The following SAMD13 variants were observed in gnomAD, a reference collection of about 807,000 sequenced individuals.
The protein encoded by SAMD13 is sterile alpha motif domain containing 13, also known as sterile alpha motif domain-containing protein 13.
In SAMD13, 9 loss-of-function variants were observed where a neutral mutation model predicts 12.4. The ratio of observed to expected loss-of-function variants is 0.72; its 90% CI spans 0.44 to 1.26. SAMD13 has a LOEUF of 1.26. SAMD13 is among the 50% of genes most tolerant of loss of function. The pLI is 0.00. For missense variants in SAMD13, 84 were observed against 119.6 expected, an observed-to-expected ratio of 0.70 and a Z score of 1.39; for synonymous variants, 46 against 45.4, an observed-to-expected ratio of 1.01 and a Z score of -0.05.
At position 84,321,019 on chromosome 1, in the gene SAMD13, G is replaced by A. The variant is rs186070271; in HGVS notation, c.54-4618G>A. 1.8e-4 allele frequency among the ~76,000 whole-genome samples: 27 copies of A among 152,226 alleles called. No homozygotes were observed. The East Asian group carries it at 5.2e-3, about 29-fold the overall frequency. ...TTTTCTGCCTGCCTTCTTACAAAGG[G>A]AAATGGAGACTTTTGCTGCCAGAAC... is the stretch of plus-strand genomic sequence containing the variant. On this transcript the variant is annotated intron_variant, in intron 2 of 3. Transcript: ENST00000394834.
chr1:84,329,562 G>A (rs1039322710), intron 3 of SAMD13, among the ~76,000 whole-genome samples: 1 of 152,188 alleles, frequency 6.6e-6, no homozygotes, highest in South Asian at 2.1e-4. Flanking sequence ...TTTGTCCTGT[G>A]TTCCTGTGGT....
At chr1:84,316,159 T>C (rs1678828541) in intron 2 of SAMD13, among the ~76,000 whole-genome samples, 1 of 152,302 alleles carries the variant, frequency 6.6e-6, no homozygotes, top group East Asian at 1.9e-4. Context: ...TTTTCTCTCA[T>C]TCCATAGGTT....
In SAMD13 at chr1:84,326,448, T is replaced by G. The variant is rs182816066; in HGVS notation, c.165+700T>G. 5.9e-5 allele frequency among the ~76,000 whole-genome samples: 9 copies of G among 152,270 alleles called. No homozygotes were observed. The East Asian group carries it at 1.7e-3, about 29-fold the overall frequency. On this transcript the variant is annotated intron_variant, in intron 3 of 3. Transcript: ENST00000394834. ...CTTTTCCTCAGGTCCAGGGATGGTA[T>G]TAGAAAGAGGGAGAAAGTGGCAGGA... is the stretch of plus-strand genomic sequence containing the variant.
chr1:84,333,287 A>C (rs1679229395), intron 3 of SAMD13, among the ~76,000 whole-genome samples: 1 of 152,036 alleles, frequency 6.6e-6, no homozygotes, highest in South Asian at 2.1e-4. Flanking sequence ...TGAATCTGTA[A>C]ATTGTTTTGG....
chr1:84,312,825 G>C (rs901423331), intron 2 of SAMD13, among the ~76,000 whole-genome samples: 1 of 152,026 alleles, frequency 6.6e-6, no homozygotes, highest in Non-Finnish European at 1.5e-5. Flanking sequence ...CAAATGCTCA[G>C]TGGACACATG....
intron 1 of SAMD13, among the ~76,000 whole-genome samples, chr1:84,302,305 T>G (rs1182104479): frequency 6.6e-6 from 1 of 150,842 alleles, no homozygotes; most frequent in Non-Finnish European, 1.5e-5. Context: ...TTCAGCTGAA[T>G]AAGAGCAAAC....
At chr1:84,322,883 A>C (rs984456972) in intron 2 of SAMD13, among the ~76,000 whole-genome samples, 3 of 152,202 alleles carry the variant, frequency 2.0e-5, no homozygotes, top group Non-Finnish European at 4.4e-5. Context: ...GTTATATCCC[A>C]CTAGAATAAA....
intron 3 of SAMD13, among the ~76,000 whole-genome samples, chr1:84,337,624 C>T (rs548240725): frequency 1.4e-4 from 21 of 152,300 alleles, no homozygotes; most frequent in African/African-American, 5.1e-4. Context: ...CAGGAGCTGC[C>T]ATGAAGACCT....
At chr1:84,327,359 C>T (rs745406931) in intron 3 of SAMD13, among the ~76,000 whole-genome samples, 13 of 152,004 alleles carry the variant, frequency 8.6e-5, no homozygotes, top group African/African-American at 3.1e-4. Flanking sequence ...TGAATGGTTC[C>T]ATTTAGATAA....
At chr1:84,331,328 TAAA>T (rs1178046260) in intron 3 of SAMD13, among the ~76,000 whole-genome samples, 32 of 15,178 alleles carry the variant, frequency 2.1e-3, no homozygotes, top group South Asian at 7.4e-3. Flanking sequence ...CCCTCCTTGG[TAAA>T]AAAAAAAAAA....
upstream of SAMD13, chr1:84,298,578 T>C: frequency 1.6e-6 from 2 of 1,285,144 alleles, no homozygotes; most frequent in Non-Finnish European, 2.0e-6. Flanking sequence ...GTAAGTGATC[T>C]GCCTGTGCGC....
intron 2 of SAMD13, among the ~76,000 whole-genome samples, chr1:84,314,743 C>T (rs1205164135): frequency 6.6e-6 from 1 of 152,114 alleles, no homozygotes; most frequent in Non-Finnish European, 1.5e-5. Flanking sequence ...GCCAGGGAAA[C>T]TATTAGCTCC....
chr1:84,339,512 C>T (rs1244750691), intron 3 of SAMD13, among the ~76,000 whole-genome samples: 2 of 152,202 alleles, frequency 1.3e-5, no homozygotes, highest in Non-Finnish European at 2.9e-5. Context: ...TACCGGGCCA[C>T]AGCTTTGTTC....
intron 2 of SAMD13, among the ~76,000 whole-genome samples, chr1:84,315,393 C>T (rs576100881): frequency 9.4e-4 from 143 of 152,218 alleles, no homozygotes; most frequent in African/African-American, 3.4e-3. Flanking sequence ...CAAGGTTCAT[C>T]CATTTTGTTG....
chr1:84,318,366 T>C (rs549120013), intron 2 of SAMD13, among the ~76,000 whole-genome samples: 1 of 152,252 alleles, frequency 6.6e-6, no homozygotes, highest in East Asian at 1.9e-4. Flanking sequence ...ATTTGACCTA[T>C]TGGTTATTCA....
At chr1:84,318,970 C>T (rs915358473) in intron 2 of SAMD13, among the ~76,000 whole-genome samples, 5 of 152,098 alleles carry the variant, frequency 3.3e-5, no homozygotes, top group African/African-American at 9.7e-5. Context: ...ATTAAAACAT[C>T]GTATTTTAAA....
chr1:84,320,732 T>C (rs962972664), intron 2 of SAMD13, among the ~76,000 whole-genome samples: 2 of 152,220 alleles, frequency 1.3e-5, no homozygotes, highest in Admixed American at 1.3e-4. Flanking sequence ...CACTGCTCAG[T>C]GTAAAAATAA....
At chr1:84,302,195 C>T (rs754065133) in intron 1 of SAMD13, among the ~76,000 whole-genome samples, 64 of 152,202 alleles carry the variant, frequency 4.2e-4, no homozygotes, top group Non-Finnish European at 7.6e-4. Context: ...TAAAATCTTG[C>T]GAATATACTA....
intron 3 of SAMD13, among the ~76,000 whole-genome samples, chr1:84,349,161 C>T (rs1379097421): frequency 6.6e-6 from 1 of 152,172 alleles, no homozygotes; most frequent in Non-Finnish European, 1.5e-5. Context: ...ACTTCTTGAT[C>T]TTAGAGGGTG....
Sources: gnomAD v4.1 joint callset for allele counts (sites outside exome capture counted in the v4.1 genomes callset) on GRCh38, gnomAD v4.1.1 for gene constraint, MANE v1.5 for transcripts, NCBI Gene and HGNC (gene_info 2026-07-23, HGNC 2026-07-21) for gene names.